TAFA1: variants seen among roughly 807,000 people sequenced by gnomAD.
TAFA1 encodes the protein TAFA chemokine like family member 1, also known as chemokine-like protein TAFA-1.
In TAFA1, 4 loss-of-function variants were observed where a neutral mutation model predicts 18.5. That is an observed-to-expected ratio of 0.22 (90% CI 0.11 to 0.49). The LOEUF (loss-of-function observed/expected upper bound fraction) is 0.49, where lower values mean the gene tolerates loss of function less well. TAFA1 is among the 20% of genes least tolerant of loss of function. The pLI is 0.98. For missense variants in TAFA1, 147 were observed against 169.0 expected (o/e 0.87, Z 0.72); for synonymous variants, 56 against 55.2 (o/e 1.01, Z -0.06).
chr3:68,427,999 AT>A (rs922608452), intron 3 of TAFA1, among the ~76,000 whole-genome samples: 3 of 151,878 alleles, frequency 2.0e-5, no homozygotes, highest in African/African-American at 7.2e-5. Flanking sequence ...TACCTCTTTC[AT>A]TTATACATTA....
intron 2 of TAFA1, among the ~76,000 whole-genome samples, chr3:68,196,776 C>A (rs1014542825): frequency 6.6e-6 from 1 of 151,708 alleles, no homozygotes; most frequent in East Asian, 1.9e-4. Flanking sequence ...AGTGACCATG[C>A]CCCATAGCTT....
intron 2 of TAFA1, among the ~76,000 whole-genome samples, chr3:68,372,482 A>T (rs1262451812): frequency 1.3e-5 from 2 of 152,346 alleles, no homozygotes; most frequent in East Asian, 1.9e-4. Context: ...GAAGAGAGCC[A>T]GGTGGGTTTG....
intron 3 of TAFA1, among the ~76,000 whole-genome samples, chr3:68,494,232 G>C (rs6775940): frequency 0.23 from 34,962 of 152,076 alleles, 4,388 homozygotes; most frequent in East Asian, 0.48. Context: ...CTCCCGAGTA[G>C]CTGGGATTAC....
intron 2 of TAFA1, among the ~76,000 whole-genome samples, chr3:68,153,073 AT>A (rs1185057513): frequency 6.6e-6 from 1 of 152,138 alleles, no homozygotes; most frequent in Non-Finnish European, 1.5e-5. Flanking sequence ...AAATCAATGA[AT>A]GTCCTTCTCA....
chr3:68,288,975 G>T (rs559294422), intron 2 of TAFA1, among the ~76,000 whole-genome samples: 1 of 152,274 alleles, frequency 6.6e-6, no homozygotes, highest in East Asian at 1.9e-4. Context: ...TTCCAAGGAG[G>T]TTAGCTCATG....
At chr3:68,536,057 C>T (rs1046869383) in intron 3 of TAFA1, among the ~76,000 whole-genome samples, 3 of 152,176 alleles carry the variant, frequency 2.0e-5, no homozygotes, top group Non-Finnish European at 2.9e-5. Flanking sequence ...TCTCATTTTA[C>T]ACCTCCCTGG....
rs548879289 is a variant in TAFA1 at position 68,510,491 on chromosome 3, A to G, written c.260-28265A>G. On this transcript the variant is annotated intron_variant, in intron 3 of 4. Transcript: ENST00000478136. ...AGCCTGCATCCCTTTTAAACCAGGG[A>G]GCCACTGTGCATGGTTGACTGGGTA... Among the ~76,000 whole-genome samples the G allele has an allele frequency of 3.3e-5, 5 of 152,278 alleles. No individual in the cohort carries two copies. The East Asian group carries it at 9.7e-4, about 29-fold the overall frequency.
intron 2 of TAFA1, among the ~76,000 whole-genome samples, chr3:68,118,776 T>C (rs1233040608): frequency 6.6e-6 from 1 of 152,240 alleles, no homozygotes; most frequent in Non-Finnish European, 1.5e-5. Flanking sequence ...CATTCATCTG[T>C]TGATAGACAT....
intron 2 of TAFA1, among the ~76,000 whole-genome samples, chr3:68,248,786 G>C (rs576783470): frequency 5.9e-5 from 9 of 151,628 alleles, no homozygotes; most frequent in Admixed American, 3.9e-4. Flanking sequence ...AAGTTTGCCA[G>C]GTGCAGGTCA....
intron 2 of TAFA1, among the ~76,000 whole-genome samples, chr3:68,286,303 G>A (rs1218606039): frequency 6.6e-6 from 1 of 151,970 alleles, no homozygotes; most frequent in Non-Finnish European, 1.5e-5. Context: ...GAGCTGAGGG[G>A]TGAGTTAATG....
intron 2 of TAFA1, among the ~76,000 whole-genome samples, chr3:68,272,250 T>C (rs1393628477): frequency 6.6e-6 from 1 of 152,248 alleles, no homozygotes; most frequent in African/African-American, 2.4e-5. Flanking sequence ...GGCAGCGTAG[T>C]AGCAAGAGCT....
At position 68,505,298 on chromosome 3, in the gene TAFA1, T is replaced by A. The variant is rs149419673; in HGVS notation, c.260-33458T>A. Among the ~76,000 whole-genome samples, 459 of 152,280 alleles carry A rather than the reference T, an allele frequency of 3.0e-3. 2 individuals are homozygous for A. Among genetic ancestry groups the A allele is most frequent in the African/African-American group, 0.01 (436 of 41,562 alleles). On this transcript the variant is annotated intron_variant, in intron 3 of 4. Transcript: ENST00000478136. ...TGTATTCTTCCAAAGTCTTTAGCTT[T>A]TTATCTTTTAACAGCTTCTCTTACA... is the stretch of plus-strand genomic sequence containing the variant.
At chr3:68,223,593 T>C (rs2066759032) in intron 2 of TAFA1, among the ~76,000 whole-genome samples, 1 of 152,022 alleles carries the variant, frequency 6.6e-6, no homozygotes, top group African/African-American at 2.4e-5. Context: ...TCCCAGAATT[T>C]TACCTACAGA....
chr3:68,191,410 C>G (rs995537065), intron 2 of TAFA1, among the ~76,000 whole-genome samples: 2 of 151,760 alleles, frequency 1.3e-5, no homozygotes, highest in Non-Finnish European at 2.9e-5. Flanking sequence ...TAACTATGGT[C>G]AGAGTGAAGC....
At chr3:68,068,772 T>C (rs1395621630) in intron 2 of TAFA1, among the ~76,000 whole-genome samples, 3 of 152,200 alleles carry the variant, frequency 2.0e-5, no homozygotes, top group Non-Finnish European at 2.9e-5. Context: ...CATTAGATCT[T>C]GTTTAGTCTT....
At chr3:68,276,829 T>A (rs1270922492) in intron 2 of TAFA1, among the ~76,000 whole-genome samples, 1 of 152,160 alleles carries the variant, frequency 6.6e-6, no homozygotes. Context: ...AGGTTTGATA[T>A]GCAATATGTT....
intron 2 of TAFA1, among the ~76,000 whole-genome samples, chr3:68,225,538 A>G (rs1228487580): frequency 6.6e-6 from 1 of 152,084 alleles, no homozygotes; most frequent in Non-Finnish European, 1.5e-5. Context: ...TGCCCTCTCT[A>G]CCACAAGGTG....
intron 2 of TAFA1, among the ~76,000 whole-genome samples, chr3:68,072,515 A>C (rs2064769332): frequency 6.6e-6 from 1 of 152,212 alleles, no homozygotes; most frequent in African/African-American, 2.4e-5. Flanking sequence ...GCAGACCTGC[A>C]GGAGTCCAGG....
intron 2 of TAFA1, among the ~76,000 whole-genome samples, chr3:68,287,961 G>A (rs1449058994): frequency 6.7e-6 from 1 of 148,312 alleles, no homozygotes; most frequent in Non-Finnish European, 1.5e-5. Flanking sequence ...AAAATGATTA[G>A]ATCCATTTTG....
Sources: allele counts gnomAD v4.1 joint callset (sites outside exome capture counted in the v4.1 genomes callset), GRCh38; gene constraint gnomAD v4.1.1; transcripts MANE v1.5; gene names NCBI Gene and HGNC (gene_info 2026-07-23, HGNC 2026-07-21).